Variants in KIAA1217 observed in about 807,000 individuals in gnomAD.
KIAA1217 encodes KIAA1217, also known as sickle tail protein homolog.
In KIAA1217, 88 loss-of-function variants were observed where a neutral mutation model predicts 163.9. The ratio of observed to expected loss-of-function variants is 0.54; its 90% CI spans 0.45 to 0.64. The LOEUF (loss-of-function observed/expected upper bound fraction) is 0.64, where lower values mean the gene tolerates loss of function less well. Ranked by LOEUF, KIAA1217 falls within the 30% of genes least tolerant of loss-of-function variation. The pLI is 0.00. For synonymous variants in KIAA1217, 903 were observed against 923.1 expected, an observed-to-expected ratio of 0.98 and a Z score of 0.39; for missense variants, 2,372 against 2,475.0, an observed-to-expected ratio of 0.96 and a Z score of 0.88.
intron 2 of KIAA1217, among the ~76,000 whole-genome samples, chr10:24,145,046 C>T (rs1177058596): frequency 6.6e-6 from 1 of 152,202 alleles, no homozygotes; most frequent in Non-Finnish European, 1.5e-5. Flanking sequence ...TCAAAGAATA[C>T]TTTGGAATTT....
At chr10:24,065,126 T>C (rs566068124) in intron 2 of KIAA1217, among the ~76,000 whole-genome samples, 2 of 152,340 alleles carry the variant, frequency 1.3e-5, no homozygotes, top group East Asian at 3.9e-4. Flanking sequence ...GAAGGGTTTT[T>C]TGTGTCTCTA....
chr10:24,536,888 A>G lies in KIAA1217; in HGVS notation c.3529A>G (p.Lys1177Glu). 1 of 1,613,820 alleles carries G rather than the reference A, an allele frequency of 6.2e-7. No homozygotes were observed. Among genetic ancestry groups the G allele is most frequent in the Non-Finnish European group, 8.5e-7 (1 of 1,179,866 alleles). The stretch of plus-strand genomic sequence containing the variant: ...GGGCGCCACAGTGCCACCCAAGGAG[A>G]AGAAGGTAACGTGGCAACTGCACAT... ...RSGATVPPKE[K>E]KNLEFFHEDV... The change falls in exon 17 of 21, where the codon AAG (lysine) becomes GAG (glutamate). Residue 1177 changes from lysine to glutamate, a missense_variant. Physicochemically the swap from Lys to Glu is moderately conservative, Grantham distance 56 (BLOSUM62 1). Transcript: ENST00000376454.
intron 3 of KIAA1217, among the ~76,000 whole-genome samples, chr10:24,388,889 A>G (rs2054424817): frequency 7.2e-6 from 1 of 139,042 alleles, no homozygotes; most frequent in Non-Finnish European, 1.5e-5. Flanking sequence ...GGCGATCATT[A>G]AAAAGTCAGG....
intron 2 of KIAA1217, among the ~76,000 whole-genome samples, chr10:24,285,980 A>G (rs2078502849): frequency 6.6e-6 from 1 of 152,084 alleles, no homozygotes; most frequent in Non-Finnish European, 1.5e-5. Context: ...GCTATTGTTA[A>G]TGAAATAGCA....
At chr10:24,316,337 A>G (rs935507241) in intron 2 of KIAA1217, among the ~76,000 whole-genome samples, 38 of 152,198 alleles carry the variant, frequency 2.5e-4, no homozygotes, top group African/African-American at 9.2e-4. Context: ...GTTTGCAGGC[A>G]TGGAAGGAGT....
chr10:24,250,501 C>T (rs894264721), intron 2 of KIAA1217, among the ~76,000 whole-genome samples: 8 of 151,070 alleles, frequency 5.3e-5, no homozygotes, highest in African/African-American at 1.7e-4. Flanking sequence ...GGCGCAATCT[C>T]GGCTCACTGC....
chr10:24,110,210 C>G (rs2062793170), intron 2 of KIAA1217, among the ~76,000 whole-genome samples: 1 of 152,158 alleles, frequency 6.6e-6, no homozygotes, highest in South Asian at 2.1e-4. Flanking sequence ...CGTCCGAAGA[C>G]AAACTAGTTG....
At chr10:23,998,259 C>A (rs12358374) in intron 1 of KIAA1217, among the ~76,000 whole-genome samples, 24,696 of 152,192 alleles carry the variant, frequency 0.16, 2,289 homozygotes, top group Middle Eastern at 0.3. Flanking sequence ...ACTTTGCAGT[C>A]TGGCCCCATC....
At chr10:23,707,604 G>A (rs1564354851) in intron 1 of KIAA1217, among the ~76,000 whole-genome samples, 1 of 151,990 alleles carries the variant, frequency 6.6e-6, no homozygotes, top group Non-Finnish European at 1.5e-5. Flanking sequence ...AGGGTGTGAG[G>A]GTTGAAAAAT....
intron 2 of KIAA1217, among the ~76,000 whole-genome samples, chr10:24,302,631 A>G (rs978891548): frequency 6.6e-6 from 1 of 152,224 alleles, no homozygotes; most frequent in Admixed American, 6.5e-5. Flanking sequence ...GATTTCAGAG[A>G]AAACAGGCAG....
intron 1 of KIAA1217, among the ~76,000 whole-genome samples, chr10:24,000,783 C>T (rs1035950702): frequency 4.6e-5 from 7 of 152,224 alleles, no homozygotes; most frequent in South Asian, 2.1e-4. Context: ...TGTTGGATGC[C>T]GTGCCTTGTC....
At chr10:24,336,680 G>A (rs1254926816) in intron 2 of KIAA1217, among the ~76,000 whole-genome samples, 1 of 152,200 alleles carries the variant, frequency 6.6e-6, no homozygotes, top group Admixed American at 6.5e-5. Context: ...AAGACCTGGG[G>A]AGATTTTCTT....
chr10:24,376,159 C>G (rs958199931), intron 2 of KIAA1217, among the ~76,000 whole-genome samples: 3 of 152,212 alleles, frequency 2.0e-5, no homozygotes, highest in African/African-American at 7.2e-5. Flanking sequence ...ATGTTGCATA[C>G]ACTTGAGGAC....
intron 1 of KIAA1217, among the ~76,000 whole-genome samples, chr10:23,899,020 A>G (rs188064340): frequency 3.9e-5 from 6 of 152,228 alleles, no homozygotes; most frequent in African/African-American, 1.2e-4. Context: ...CTGTTACTCT[A>G]TCATACCACT....
At chr10:24,520,643 A>AAAAAG (rs2070999911) in intron 11 of KIAA1217, among the ~76,000 whole-genome samples, 1 of 88,174 alleles carries the variant, frequency 1.1e-5, no homozygotes, top group African/African-American at 6.1e-5. Flanking sequence ...AAAAAAAAAA[A>AAAAAG]AAAAAAAAAT....
At chr10:23,966,022 G>T (rs1260965812) in intron 1 of KIAA1217, among the ~76,000 whole-genome samples, 1 of 152,154 alleles carries the variant, frequency 6.6e-6, no homozygotes, top group Non-Finnish European at 1.5e-5. Flanking sequence ...TTGCTCCTAG[G>T]ACACTGGTTG....
intron 1 of KIAA1217, among the ~76,000 whole-genome samples, chr10:23,964,495 C>A (rs1844968357): frequency 6.6e-6 from 1 of 151,982 alleles, no homozygotes; most frequent in Non-Finnish European, 1.5e-5. Flanking sequence ...AAGTCTTTGC[C>A]CATGCCTATG....
intron 1 of KIAA1217, among the ~76,000 whole-genome samples, chr10:23,814,756 C>G (rs1487271401): frequency 6.6e-6 from 1 of 151,938 alleles, no homozygotes; most frequent in East Asian, 1.9e-4. Context: ...TGACATTTTT[C>G]TGTTCTTGCA....
chr10:23,769,486 A>T (rs1183876484), intron 1 of KIAA1217, among the ~76,000 whole-genome samples: 13 of 152,248 alleles, frequency 8.5e-5, no homozygotes, highest in African/African-American at 2.4e-4. Context: ...TGTTAGTCCT[A>T]TAAAGGCAGT....
Sources: allele counts gnomAD v4.1 joint callset (sites outside exome capture counted in the v4.1 genomes callset), GRCh38; gene constraint gnomAD v4.1.1; transcripts MANE v1.5; gene names NCBI Gene and HGNC (gene_info 2026-07-23, HGNC 2026-07-21).